GRIK5: variants seen among roughly 807,000 people sequenced by gnomAD.
GRIK5 encodes glutamate ionotropic receptor kainate type subunit 5.
Under a neutral mutation model 97.4 loss-of-function variants are expected in GRIK5, and 43 were observed. The observed-to-expected ratio is 0.44, with a 90% CI of 0.35 to 0.57. The LOEUF (loss-of-function observed/expected upper bound fraction) is 0.57, where lower values mean the gene tolerates loss of function less well. Ranked by LOEUF, GRIK5 falls within the 20% of genes least tolerant of loss-of-function variation. GRIK5 has a pLI of 0.01. For missense variants in GRIK5, 1,015 were observed against 1,382.0 expected, an observed-to-expected ratio of 0.73 and a Z score of 4.21; for synonymous variants, 580 against 583.5, an observed-to-expected ratio of 0.99 and a Z score of 0.09.
rs1446484285 is a variant in GRIK5 at position 42,021,985 on chromosome 19, G to A, written c.1659C>T (p.Ala553=). 1 of 1,613,938 alleles carries A rather than the reference G, an allele frequency of 6.2e-7. No individual in the cohort carries two copies. Among genetic ancestry groups the A allele is most frequent in the South Asian group, 1.1e-5 (1 of 91,062 alleles). Residue 553 remains alanine, a synonymous_variant, in exon 14 of 20, where the codon GCC becomes GCT. Coordinates refer to ENST00000593562, the MANE Select transcript of GRIK5 (RefSeq NM_002088.5). The surrounding 1 kb of genome is among the most constrained non-coding windows in gnomAD (Gnocchi z 4.2). The stretch of plus-strand genomic sequence containing the variant: ...ACAGGACGCAGCTGACAGCCAGGTA[G>A]GCAAGAAGCATGAAGAGCCACACAG... ...SPAVWLFMLL[A]YLAVSCVLFL... is the part of the protein sequence containing the mutation.
At chr19:42,036,531 A>G (rs548170269) in intron 12 of GRIK5, among the ~76,000 whole-genome samples, 131 of 149,242 alleles carry the variant, frequency 8.8e-4, no homozygotes, top group Admixed American at 1.5e-3. Flanking sequence ...AATTTTTTCA[A>G]TTTTTGTAGA....
Position 42,021,353 on chromosome 19 carries a change from C to A in GRIK5, c.1819G>T (p.Gly607Cys). ...WFPVGGFMQQ[G>C]SEIMPRALST... ...AGCGCCCGGGGCATGATCTCCGAGC[C>A]CTGCTGCATGAAGCCCCCCACGGGA... Residue 607 changes from glycine to cysteine, a missense_variant, in exon 15 of 20, where the codon GGC becomes TGC. Coordinates refer to ENST00000593562, the MANE Select transcript of GRIK5 (RefSeq NM_002088.5). This position sits in a 1 kb window ranked among gnomAD's most constrained non-coding sequence, Gnocchi z 4.2. 6.2e-7 allele frequency: 1 copy of A among 1,613,664 alleles called. No homozygotes were observed. The highest frequency in any genetic ancestry group is 8.5e-7 in the Non-Finnish European group (1 of 1,179,918).
intron 12 of GRIK5, among the ~76,000 whole-genome samples, chr19:42,023,141 C>T (rs758508656): frequency 1.3e-5 from 2 of 151,690 alleles, no homozygotes; most frequent in Non-Finnish European, 2.9e-5. Flanking sequence ...AATCCAGGGT[C>T]GGGGAGAAAG....
chr19:42,037,582 C>T (rs556116491), intron 12 of GRIK5, among the ~76,000 whole-genome samples: 1 of 152,326 alleles, frequency 6.6e-6, no homozygotes, highest in East Asian at 1.9e-4. Flanking sequence ...TGTGGGAGCA[C>T]TGGGGACCTG....
chr19:41,998,823 GC>G lies in GRIK5; in HGVS notation c.*47del. 2.0e-6 allele frequency: 2 copies of G among 993,962 alleles called. No homozygotes were observed. Among genetic ancestry groups the G allele is most frequent in the Non-Finnish European group, 2.5e-6 (2 of 806,196 alleles). 61.6% of individuals were successfully genotyped at this position (993,962 alleles called of 1,614,324 possible). ...CGGAGACTGCTGGGGCCTGGGGCGG[GC>G]CCCGTCCCTTCGGTCAGTCCGGGCG... On this transcript the variant is annotated 3_prime_UTR_variant, in exon 20 of 20. Transcript: ENST00000593562.
Position 42,042,822 on chromosome 19 carries a change from G to T in GRIK5, c.1270-67C>A, listed in dbSNP as rs1004025505. On this transcript the variant is annotated intron_variant, in intron 11 of 19. Transcript: ENST00000593562. This position sits in a 1 kb window ranked among gnomAD's most constrained non-coding sequence, Gnocchi z 6.9. ...TAGTGGCTGGGTTGCGGATCCTGGAGCCCGGACCAGGCAGGTAGAGCAGGA... is the reference window on the plus strand; with the variant it reads ...TAGTGGCTGGGTTGCGGATCCTGGATCCCGGACCAGGCAGGTAGAGCAGGA... The T allele has an allele frequency of 4.9e-6, 6 of 1,230,962 alleles. No homozygotes were observed. The South Asian group carries it at 7.8e-5, about 16-fold the overall frequency. 76.3% of individuals were successfully genotyped at this position (1,230,962 alleles called of 1,614,324 possible).
chr19:42,059,581 C>T (rs182310649), intron 5 of GRIK5, 54 bp from the exon 6 acceptor site: 27 of 1,456,944 alleles, frequency 1.9e-5, no homozygotes, highest in South Asian at 4.7e-5. Flanking sequence ...CCAGGCATGG[C>T]GTAGACACTC....
intron 8 of GRIK5, among the ~76,000 whole-genome samples, chr19:42,055,785 C>T (rs2076175268): frequency 6.6e-6 from 1 of 150,492 alleles, no homozygotes. Flanking sequence ...CAGGTTCAAG[C>T]GACTCTTGTG....
intron 12 of GRIK5, among the ~76,000 whole-genome samples, chr19:42,026,571 TATTATC>T (rs968732890): frequency 2.0e-5 from 3 of 149,580 alleles, no homozygotes; most frequent in African/African-American, 7.4e-5. Context: ...TTATTATTAT[TATTATC>T]ATTATTTTTG....
At chr19:42,004,259 C>T (rs902782323) in intron 17 of GRIK5, among the ~76,000 whole-genome samples, 15 of 152,156 alleles carry the variant, frequency 9.9e-5, no homozygotes, top group African/African-American at 2.9e-4. Flanking sequence ...GCATCCAGTG[C>T]GGGACTTGGC....
intron 3 of GRIK5, among the ~76,000 whole-genome samples, chr19:42,063,799 T>G (rs2076291343): frequency 6.6e-6 from 1 of 152,228 alleles, no homozygotes; most frequent in Non-Finnish European, 1.5e-5. Context: ...TTTGAACACC[T>G]GGATTCAGCC....
Position 42,003,478 on chromosome 19 carries a change from G to T in GRIK5, c.2393-25C>A, listed in dbSNP as rs200540291. 1 of 1,612,346 alleles carries T rather than the reference G, an allele frequency of 6.2e-7. No homozygotes were observed. Among genetic ancestry groups the T allele is most frequent in the African/African-American group, 1.3e-5 (1 of 75,002 alleles). ...CCTGGAGGGCGAAGGGAGTTGGGGG[G>T]CAAAGGGAGTTGGGGCTGTGTGGGA... On this transcript the variant is annotated intron_variant, in intron 18 of 19. Transcript: ENST00000593562. This position sits in a 1 kb window ranked among gnomAD's most constrained non-coding sequence, Gnocchi z 4.2.
At chr19:42,026,467 T>A (rs1038387768) in intron 12 of GRIK5, among the ~76,000 whole-genome samples, 2 of 151,606 alleles carry the variant, frequency 1.3e-5, no homozygotes, top group African/African-American at 2.4e-5. Context: ...TTGGCCAGGT[T>A]AATCTCGAAC....
intron 12 of GRIK5, among the ~76,000 whole-genome samples, chr19:42,037,982 C>T (rs992692896): frequency 1.4e-4 from 21 of 152,216 alleles, no homozygotes; most frequent in Non-Finnish European, 2.6e-4. Context: ...CACGCCATCA[C>T]ACCTCCTGCC....
intron 12 of GRIK5, among the ~76,000 whole-genome samples, chr19:42,025,695 C>T (rs1327071271): frequency 1.3e-5 from 2 of 152,192 alleles, no homozygotes; most frequent in African/African-American, 4.8e-5. Flanking sequence ...TCTGCCTCCA[C>T]TGCCCACACC....
At chr19:42,025,046 T>G (rs1351791271) in intron 12 of GRIK5, among the ~76,000 whole-genome samples, 1 of 152,182 alleles carries the variant, frequency 6.6e-6, no homozygotes, top group African/African-American at 2.4e-5. Context: ...GTGTCTCATG[T>G]CCCATCCTCC....
In GRIK5 at chr19:42,065,380, G is replaced by C. The variant is rs781299684; in HGVS notation, c.87C>G (p.Ile29Met). ...GGCCACACACTGTCTGATCATCCAG[G>C]ATTGCAGCTGAGGGGACACATGGGT... ...QVLSSLRMAA[I>M]LDDQTVCGRG... The change falls in exon 3 of 20, where the codon ATC becomes ATG. Residue 29 changes from isoleucine (I) to methionine (M), a missense_variant. Ile to Met is a conservative substitution (Grantham distance 10, BLOSUM62 1). Around this residue, in one of 5 missense-constraint regions of GRIK5, gnomAD observed 198 missense variants for 218.2 expected, o/e 0.91. Transcript: ENST00000593562. The surrounding 1 kb of genome is among the most constrained non-coding windows in gnomAD (Gnocchi z 5.8). 107 of 1,584,780 alleles carry C rather than the reference G, an allele frequency of 6.8e-5. No individual in the cohort carries two copies. Among genetic ancestry groups the C allele is most frequent in the Non-Finnish European group, 8.5e-5 (99 of 1,163,214 alleles).
chr19:42,055,586 T>C (rs1318087689), intron 8 of GRIK5, among the ~76,000 whole-genome samples: 1 of 152,134 alleles, frequency 6.6e-6, no homozygotes, highest in African/African-American at 2.4e-5. Flanking sequence ...TCTATGTAAG[T>C]CTAATATACA....
Position 42,069,937 on chromosome 19 carries a change from T to C in GRIK5, c.-747A>G, listed in dbSNP as rs1008054767. On this transcript the variant is annotated 5_prime_UTR_variant, in exon 1 of 20. Coordinates refer to ENST00000593562, the MANE Select transcript of GRIK5 (RefSeq NM_002088.5). ...GAAGGGGGCAAATGAGGTGGAGAGA[T>C]AGGGAGGAGGGAGAGGAGGATGGAG... 6.7e-6 allele frequency among the ~76,000 whole-genome samples: 1 copy of C among 148,956 alleles called. No individual in the cohort carries two copies. The highest frequency in any genetic ancestry group is 2.5e-5 in the African/African-American group (1 of 40,368).
Sources: gnomAD v4.1 joint callset for allele counts (sites outside exome capture counted in the v4.1 genomes callset) on GRCh38, gnomAD v4.1.1 for gene constraint, gnomAD v4.1.1 regional missense constraint, Gnocchi (gnomAD v3.1) non-coding constraint, MANE v1.5 for transcripts, NCBI Gene and HGNC (gene_info 2026-07-23, HGNC 2026-07-21) for gene names.